The following CAMK2D variants were observed in gnomAD, a reference collection of about 807,000 sequenced individuals.
CAMK2D encodes the protein calcium/calmodulin dependent protein kinase II delta.
In CAMK2D, 37 loss-of-function variants were observed where a neutral mutation model predicts 84.0. The ratio of observed to expected loss-of-function variants is 0.44; its 90% CI spans 0.34 to 0.58. CAMK2D has a LOEUF of 0.58. CAMK2D is among the 20% of genes least tolerant of loss of function. CAMK2D has a pLI of 0.02. For synonymous variants in CAMK2D, 202 were observed against 212.5 expected (o/e 0.95, Z 0.43); for missense variants, 448 against 652.5 (o/e 0.69, Z 3.41).
rs113523662 is a variant in CAMK2D, at chr4:113,529,273, CA to C, written c.601+1942del. 3.0e-3 allele frequency among the ~76,000 whole-genome samples: 453 copies of C among 152,228 alleles called. 4 individuals are homozygous for C. The highest frequency in any genetic ancestry group is 0.01 in the African/African-American group (429 of 41,538). Reference sequence around the variant, plus strand: ...ATTCAATCAGTTTAAGATCAAACATCAAGTTGTTACCAAAGAGGTAAAGCTG... The same window carrying C: ...ATTCAATCAGTTTAAGATCAAACATCAGTTGTTACCAAAGAGGTAAAGCTG... On this transcript the variant is annotated intron_variant, in intron 8 of 20. Coordinates refer to ENST00000511664, the MANE Select transcript of CAMK2D (RefSeq NM_001321571.2).
At chr4:113,744,225 A>G (rs980358419) in intron 2 of CAMK2D, among the ~76,000 whole-genome samples, 2 of 152,182 alleles carry the variant, frequency 1.3e-5, no homozygotes, top group African/African-American at 2.4e-5. Flanking sequence ...TTTATCCTTC[A>G]GCAAACATTA....
intron 2 of CAMK2D, among the ~76,000 whole-genome samples, chr4:113,677,778 TAA>T (rs1035438397): frequency 9.9e-5 from 15 of 152,150 alleles, no homozygotes; most frequent in African/African-American, 3.4e-4. Flanking sequence ...ATTAAAGAGA[TAA>T]GTCAGTCAAG....
intron 6 of CAMK2D, among the ~76,000 whole-genome samples, chr4:113,540,774 A>C (rs1333307605): frequency 6.6e-6 from 1 of 152,202 alleles, no homozygotes; most frequent in African/African-American, 2.4e-5. Context: ...AGAACATTTA[A>C]TATTTGTAAC....
intron 5 of CAMK2D, among the ~76,000 whole-genome samples, chr4:113,548,964 G>A (rs2098603883): frequency 2.0e-5 from 3 of 152,184 alleles, no homozygotes. Context: ...AACAATTTGA[G>A]TTGTGTTGTT....
chr4:113,683,231 T>A (rs893019938), intron 2 of CAMK2D, among the ~76,000 whole-genome samples: 2 of 152,160 alleles, frequency 1.3e-5, no homozygotes, highest in Admixed American at 1.3e-4. Context: ...CCTCCTATCA[T>A]ACACAGACAA....
At chr4:113,552,645 A>G (rs1416336543) in intron 4 of CAMK2D, among the ~76,000 whole-genome samples, 1 of 152,240 alleles carries the variant, frequency 6.6e-6, no homozygotes, top group Non-Finnish European at 1.5e-5. Flanking sequence ...TATGGGCACC[A>G]TGTCATATCA....
At chr4:113,583,850 T>C (rs902508644) in intron 4 of CAMK2D, among the ~76,000 whole-genome samples, 1 of 152,188 alleles carries the variant, frequency 6.6e-6, no homozygotes, top group Admixed American at 6.6e-5. Context: ...GCATGTGCAT[T>C]TTATTCCCAT....
At chr4:113,507,559 G>A (rs764511460) in intron 13 of CAMK2D, among the ~76,000 whole-genome samples, 17 of 151,968 alleles carry the variant, frequency 1.1e-4, no homozygotes, top group Admixed American at 6.6e-4. Flanking sequence ...GTGAGACACC[G>A]CTCCTGGCCC....
intron 4 of CAMK2D, among the ~76,000 whole-genome samples, chr4:113,555,952 A>T (rs543195601): frequency 1.3e-5 from 2 of 152,078 alleles, no homozygotes; most frequent in Non-Finnish European, 2.9e-5. Context: ...TATAAGAAAA[A>T]GTCAGTAGCC....
intron 4 of CAMK2D, among the ~76,000 whole-genome samples, chr4:113,580,840 A>C (rs933150055): frequency 3.3e-5 from 5 of 150,524 alleles, no homozygotes; most frequent in Non-Finnish European, 4.4e-5. Flanking sequence ...TTATTTTTAA[A>C]AGCTATACTA....
chr4:113,704,154 T>C (rs1016914545), intron 2 of CAMK2D, among the ~76,000 whole-genome samples: 2 of 152,094 alleles, frequency 1.3e-5, no homozygotes, highest in Admixed American at 1.3e-4. Flanking sequence ...GAATACCAAG[T>C]GAAATTTAAG....
At chr4:113,721,530 T>C (rs1451659584) in intron 2 of CAMK2D, among the ~76,000 whole-genome samples, 1 of 152,184 alleles carries the variant, frequency 6.6e-6, no homozygotes, top group Non-Finnish European at 1.5e-5. Context: ...TTTCCTAAGC[T>C]GGAAAATGAG....
intron 2 of CAMK2D, among the ~76,000 whole-genome samples, chr4:113,700,714 T>G (rs1397664935): frequency 6.6e-6 from 1 of 152,142 alleles, no homozygotes; most frequent in East Asian, 1.9e-4. Context: ...GCAACTCTGT[T>G]TTCTCTGCAG....
intron 2 of CAMK2D, among the ~76,000 whole-genome samples, chr4:113,728,200 T>C (rs2099551908): frequency 6.6e-6 from 1 of 152,188 alleles, no homozygotes; most frequent in Admixed American, 6.5e-5. Context: ...CTAGTACATA[T>C]ATGCTCATAG....
chr4:113,738,649 A>T lies in CAMK2D; in HGVS notation c.160+20671T>A, dbSNP rs1438354940. The stretch of plus-strand genomic sequence containing the variant: ...TTAAGAATCCTGTCTATATATGTAT[A>T]TATCTCCATATACTAAATATATCAC... On this transcript the variant is annotated intron_variant, in intron 2 of 20. Coordinates refer to ENST00000511664, the MANE Select transcript of CAMK2D (RefSeq NM_001321571.2). 2.0e-5 allele frequency among the ~76,000 whole-genome samples: 3 copies of T among 152,264 alleles called. No homozygotes were observed. The South Asian group carries it at 6.2e-4, about 32-fold the overall frequency.
chr4:113,487,588 C>T (rs922259855), intron 16 of CAMK2D, among the ~76,000 whole-genome samples: 2 of 151,898 alleles, frequency 1.3e-5, no homozygotes, highest in Non-Finnish European at 2.9e-5. Flanking sequence ...TGTATGGAAA[C>T]TTTAGAAACA....
chr4:113,528,927 T>C (rs1252813145), intron 8 of CAMK2D, among the ~76,000 whole-genome samples: 1 of 152,160 alleles, frequency 6.6e-6, no homozygotes, highest in Non-Finnish European at 1.5e-5. Flanking sequence ...TTAGAGTTCA[T>C]GCCTTAGAGT....
chr4:113,545,284 T>C (rs2098557684), intron 6 of CAMK2D, among the ~76,000 whole-genome samples: 1 of 152,162 alleles, frequency 6.6e-6, no homozygotes, highest in African/African-American at 2.4e-5. Context: ...AGCACTTATA[T>C]CCTTATAGGT....
At chr4:113,602,392 A>G (rs1036445807) in intron 4 of CAMK2D, among the ~76,000 whole-genome samples, 2 of 152,180 alleles carry the variant, frequency 1.3e-5, no homozygotes, top group African/African-American at 4.8e-5. Context: ...GCTGAAGGCA[A>G]TTGTGAAGAA....
Sources: gnomAD v4.1 joint callset for allele counts (sites outside exome capture counted in the v4.1 genomes callset) on GRCh38, gnomAD v4.1.1 for gene constraint, MANE v1.5 for transcripts, NCBI Gene and HGNC (gene_info 2026-07-23, HGNC 2026-07-21) for gene names.